Variants in CALN1 observed in about 807,000 individuals in gnomAD.
CALN1 encodes calcium-binding protein 8.
CALN1 carries 17 observed loss-of-function variants against 30.6 expected under a neutral mutation model. That is an observed-to-expected ratio of 0.56 (90% CI 0.38 to 0.83). The LOEUF is 0.83. Among genes scored for constraint, CALN1 ranks in the 40% least tolerant of loss-of-function variants. The pLI, the probability that CALN1 is intolerant of heterozygous loss-of-function variation, is 0.00. For synonymous variants in CALN1, 156 were observed against 131.4 expected, an observed-to-expected ratio of 1.19 and a Z score of -1.28; for missense variants, 291 against 354.9, an observed-to-expected ratio of 0.82 and a Z score of 1.45.
chr7:71,964,609 CT>C (rs1210432680), intron 5 of CALN1, among the ~76,000 whole-genome samples: 1 of 151,962 alleles, frequency 6.6e-6, no homozygotes, highest in Non-Finnish European at 1.5e-5. Context: ...GTGGCTCACG[CT>C]GAGATCACGC....
At chr7:72,248,327 C>T (rs190440596) in intron 3 of CALN1, among the ~76,000 whole-genome samples, 11 of 152,210 alleles carry the variant, frequency 7.2e-5, no homozygotes, top group Middle Eastern at 3.4e-3. Context: ...ATAGGCCCGG[C>T]TGGTCTAGAA....
chr7:71,913,904 G>C (rs1039398062), intron 5 of CALN1: 1 of 152,218 alleles, frequency 6.6e-6, no homozygotes, highest in African/African-American at 2.4e-5. Flanking sequence ...TTCATCACAA[G>C]CCTGTACAAG....
At chr7:72,131,853 T>C (rs1809171420) in intron 3 of CALN1, among the ~76,000 whole-genome samples, 1 of 152,152 alleles carries the variant, frequency 6.6e-6, no homozygotes, top group South Asian at 2.1e-4. Flanking sequence ...CATTACCTCC[T>C]AGCTCTCTGT....
intron 6 of CALN1, 62 bp downstream of exon 6, chr7:71,810,274 T>G (rs969602463): frequency 6.5e-7 from 1 of 1,541,970 alleles, no homozygotes; most frequent in Non-Finnish European, 8.8e-7. Flanking sequence ...ATTTTTCATA[T>G]AGAGAGTGTG....
At chr7:71,998,852 A>T (rs1366076642) in intron 5 of CALN1, among the ~76,000 whole-genome samples, 3 of 152,130 alleles carry the variant, frequency 2.0e-5, no homozygotes, top group African/African-American at 7.2e-5. Context: ...CACCGCACCC[A>T]AAGAGATATA....
Position 72,125,908 on chromosome 7 carries a change from T to C in CALN1, c.245-19614A>G, listed in dbSNP as rs143481786. Reference sequence around the variant, plus strand: ...ACCACCACCTCCCGGGTTCAAGCGATTCTCCTCCCTCAGCCTCCCAAGTAG... The same window carrying C: ...ACCACCACCTCCCGGGTTCAAGCGACTCTCCTCCCTCAGCCTCCCAAGTAG... On this transcript the variant is annotated intron_variant, in intron 3 of 6. Coordinates refer to ENST00000395275, the MANE Select transcript of CALN1 (RefSeq NM_031468.4). Among the ~76,000 whole-genome samples the C allele has an allele frequency of 3.7e-3, 552 of 150,856 alleles. 5 individuals carry two copies. Among genetic ancestry groups the C allele is most frequent in the Middle Eastern group, 0.011 (3 of 280 alleles).
chr7:72,242,718 T>C (rs1030588820), intron 3 of CALN1, among the ~76,000 whole-genome samples: 3 of 152,092 alleles, frequency 2.0e-5, no homozygotes, highest in African/African-American at 7.2e-5. Context: ...TGAAACCCCA[T>C]TTCTGCTAAA....
chr7:72,409,972 C>T (rs968561744), intron 1 of CALN1, among the ~76,000 whole-genome samples: 4 of 152,166 alleles, frequency 2.6e-5, no homozygotes, highest in Admixed American at 1.3e-4. Context: ...TCCTCTAAAA[C>T]CCTGCAAAGA....
At chr7:71,969,445 C>G (rs1026552576) in intron 5 of CALN1, among the ~76,000 whole-genome samples, 3 of 152,086 alleles carry the variant, frequency 2.0e-5, no homozygotes, top group Non-Finnish European at 2.9e-5. Flanking sequence ...AATCAAGGTA[C>G]AGTGTACATA....
chr7:72,117,320 G>A (rs1808055167), intron 3 of CALN1, among the ~76,000 whole-genome samples: 1 of 152,158 alleles, frequency 6.6e-6, no homozygotes, highest in Admixed American at 6.5e-5. Flanking sequence ...GTTAAAATAA[G>A]GGGACTGTCG....
intron 5 of CALN1, among the ~76,000 whole-genome samples, chr7:71,891,574 A>T (rs1793240582): frequency 6.6e-6 from 1 of 152,212 alleles, no homozygotes; most frequent in South Asian, 2.1e-4. Context: ...TGGGAGGATA[A>T]TGACAGTGCC....
At chr7:72,371,205 G>A (rs765810756) in intron 2 of CALN1, among the ~76,000 whole-genome samples, 30 of 152,102 alleles carry the variant, frequency 2.0e-4, no homozygotes, top group Non-Finnish European at 3.1e-4. Flanking sequence ...GAATTTTTAT[G>A]ATATCATGCT....
intron 5 of CALN1, among the ~76,000 whole-genome samples, chr7:71,934,832 AAGG>A (rs1562915889): frequency 6.6e-6 from 1 of 152,208 alleles, no homozygotes; most frequent in South Asian, 2.1e-4. Context: ...GGTGGAAGGC[AAGG>A]AGGAGCAAGT....
At chr7:72,155,370 T>C (rs2129544456) in intron 3 of CALN1, among the ~76,000 whole-genome samples, 1 of 151,920 alleles carries the variant, frequency 6.6e-6, no homozygotes, top group Non-Finnish European at 1.5e-5. Context: ...CAGGTGCCTG[T>C]AGTCCCAGCT....
At chr7:72,396,241 A>AAAAAAAAAAAAG (rs1805933718) in intron 2 of CALN1, among the ~76,000 whole-genome samples, 1 of 92,016 alleles carries the variant, frequency 1.1e-5, no homozygotes, top group Non-Finnish European at 1.9e-5. Context: ...CTACTAAAAA[A>AAAAAAAAAAAAG]AAAAAAAAAA....
chr7:72,452,681 C>T, the CALN1 span, among the ~76,000 whole-genome samples: 6 of 152,090 alleles, frequency 3.9e-5, no homozygotes, highest in South Asian at 1.2e-3. Flanking sequence ...TATAGCAGTG[C>T]AAAACAGACT....
intron 5 of CALN1, among the ~76,000 whole-genome samples, chr7:71,967,847 C>A (rs1331939906): frequency 1.3e-5 from 2 of 151,966 alleles, no homozygotes; most frequent in Admixed American, 1.3e-4. Context: ...ATTAAACAGG[C>A]TAAAATTTAA....
chr7:72,260,050 A>T (rs1796162165), intron 3 of CALN1, among the ~76,000 whole-genome samples: 1 of 152,212 alleles, frequency 6.6e-6, no homozygotes, highest in African/African-American at 2.4e-5. Flanking sequence ...TGGACAACAT[A>T]GTGAGATACC....
chr7:72,408,530 G>A (rs180836786), intron 1 of CALN1, among the ~76,000 whole-genome samples: 89 of 152,186 alleles, frequency 5.8e-4, no homozygotes, highest in African/African-American at 2.1e-3. Flanking sequence ...TGTTGGTGAT[G>A]TTGGTGACAA....
Sources: gnomAD v4.1 joint callset for allele counts (sites outside exome capture counted in the v4.1 genomes callset) on GRCh38, gnomAD v4.1.1 for gene constraint, MANE v1.5 for transcripts, NCBI Gene and HGNC (gene_info 2026-07-23, HGNC 2026-07-21) for gene names.